PKHD1: variants seen among roughly 807,000 people sequenced by gnomAD.
PKHD1 encodes PKHD1 ciliary IPT domain containing fibrocystin/polyductin.
Under a neutral mutation model 412.0 loss-of-function variants are expected in PKHD1, and 291 were observed. The ratio of observed to expected loss-of-function variants is 0.71; its 90% CI spans 0.64 to 0.78. The LOEUF (loss-of-function observed/expected upper bound fraction) is 0.78. Ranked by LOEUF, PKHD1 falls within the 30% of genes least tolerant of loss-of-function variation. The pLI, the probability that PKHD1 is intolerant of heterozygous loss-of-function variation, is 0.00. For missense variants in PKHD1, 4,825 were observed against 4,950.7 expected (o/e 0.97, Z 0.76); for synonymous variants, 1,777 against 1,821.5 (o/e 0.98, Z 0.62).
chr6:51,772,586 C>T (rs1040342130), intron 55 of PKHD1, 116 bp downstream of exon 55: 14 of 570,766 alleles, frequency 2.5e-5, no homozygotes, highest in Admixed American at 9.2e-5. Flanking sequence ...TCTACTTGCT[C>T]ATCCTTTAAT....
chr6:51,973,594 A>C (rs1266901), intron 35 of PKHD1, among the ~76,000 whole-genome samples: 1,876 of 152,268 alleles, frequency 0.012, 42 homozygotes, highest in African/African-American at 0.042. Flanking sequence ...CTTCAAGTGC[A>C]ATAGTTAACT....
chr6:51,915,289 G>C (rs1783603044), intron 37 of PKHD1, among the ~76,000 whole-genome samples: 1 of 152,080 alleles, frequency 6.6e-6, no homozygotes, highest in South Asian at 2.1e-4. Context: ...AATCCTGAGA[G>C]AAGGCTCCAA....
intron 18 of PKHD1, among the ~76,000 whole-genome samples, chr6:52,056,419 C>T (rs1016295673): frequency 6.6e-6 from 1 of 152,130 alleles, no homozygotes; most frequent in East Asian, 1.9e-4. Flanking sequence ...ATGTCTTTGA[C>T]CTTTTCCCAC....
intron 37 of PKHD1, among the ~76,000 whole-genome samples, chr6:51,919,872 T>G (rs1784423570): frequency 6.6e-6 from 1 of 152,214 alleles, no homozygotes; most frequent in Non-Finnish European, 1.5e-5. Flanking sequence ...GATTCCTAGG[T>G]ATTTTATTCT....
At position 51,887,236 on chromosome 6, in the gene PKHD1, C is replaced by G. The variant is rs1324216428; in HGVS notation, c.7006G>C (p.Val2336Leu). ...SPTNVIEGNR[V>L]CGAGYGYFFH... Reference sequence around the variant, plus strand: ...AAGTAGCCATAGCCAGCACCACACACTCTGTTCCCCTACAGAAATTAAGAA... The same window carrying G: ...AAGTAGCCATAGCCAGCACCACACAGTCTGTTCCCCTACAGAAATTAAGAA... Residue 2336 changes from valine to leucine, a missense_variant, in exon 44 of 67, where the codon GTG becomes CTG. Coordinates refer to ENST00000371117, the MANE Select transcript of PKHD1 (RefSeq NM_138694.4). 1 of 1,600,292 alleles carries G rather than the reference C, an allele frequency of 6.2e-7. No homozygotes were observed. The highest frequency in any genetic ancestry group is 8.6e-7 in the Non-Finnish European group (1 of 1,167,544).
intron 46 of PKHD1, among the ~76,000 whole-genome samples, chr6:51,882,259 A>G (rs764591868): frequency 2.0e-5 from 3 of 152,210 alleles, no homozygotes; most frequent in Non-Finnish European, 2.9e-5. Flanking sequence ...AGAGGGAAAA[A>G]AAAACTGGCA....
intron 52 of PKHD1, among the ~76,000 whole-genome samples, chr6:51,798,179 G>C (rs1794885405): frequency 6.6e-6 from 1 of 152,158 alleles, no homozygotes; most frequent in East Asian, 1.9e-4. Flanking sequence ...AGAAGTTCAA[G>C]ACCAGCCTGG....
chr6:52,030,832 T>C (rs897306020), intron 29 of PKHD1, among the ~76,000 whole-genome samples: 5 of 152,194 alleles, frequency 3.3e-5, no homozygotes, highest in African/African-American at 1.2e-4. Flanking sequence ...GACTGATGGG[T>C]GCAGTTTCAT....
chr6:52,073,474 C>T lies in PKHD1; in HGVS notation c.516G>A (p.Glu172=). 6.3e-7 allele frequency: 1 copy of T among 1,597,334 alleles called. No homozygotes were observed. Among genetic ancestry groups the T allele is most frequent in the Non-Finnish European group, 8.6e-7 (1 of 1,164,802 alleles). ...GRLETFDFDA[E]YIDSPVILEA... The stretch of plus-strand genomic sequence containing the variant: ...AAACACACACTTACCTATCAATGTA[C>T]TCAGCATCAAAATCAAAAGTTTCCA... The change falls in exon 7 of 67, where the codon GAG becomes GAA. Residue 172 remains glutamate, a synonymous_variant. Transcript: ENST00000371117.
chr6:52,046,158 A>G lies in PKHD1; in HGVS notation c.2438T>C (p.Leu813Pro). 1.2e-6 allele frequency: 2 copies of G among 1,613,706 alleles called. No individual in the cohort carries two copies. The highest frequency in any genetic ancestry group is 1.3e-5 in the African/African-American group (1 of 75,040). The change falls in exon 24 of 67, where the codon CTT (leucine) becomes CCT (proline). Residue 813 changes from leucine (L) to proline (P), a missense_variant. By Grantham distance (98) the Leu-to-Pro change is moderately conservative. Transcript: ENST00000371117. ...DVPVQISAHH[L>P]HQLLQNNADD... ...GGCATTATTCTGTAAGAGCTGGTGA[A>G]GGTGATGAGCAGAAATTTGTACAGG...
intron 60 of PKHD1, among the ~76,000 whole-genome samples, chr6:51,686,734 GC>G (rs985553482): frequency 2.0e-5 from 3 of 152,068 alleles, no homozygotes; most frequent in African/African-American, 7.2e-5. Flanking sequence ...AAAGCACCAG[GC>G]ACATAGTAGA....
intron 5 of PKHD1, among the ~76,000 whole-genome samples, 192 bp downstream of exon 5, chr6:52,079,708 C>G (rs1263932778): frequency 1.3e-5 from 2 of 152,146 alleles, no homozygotes; most frequent in Non-Finnish European, 2.9e-5. Context: ...AAGCATTTAG[C>G]TAAAGGCTGA....
At chr6:51,750,173 G>T (rs535156405) in intron 57 of PKHD1, among the ~76,000 whole-genome samples, 1 of 152,194 alleles carries the variant, frequency 6.6e-6, no homozygotes, top group East Asian at 1.9e-4. Flanking sequence ...TCTACTTGGG[G>T]CCAGGCAACA....
At chr6:51,865,291 C>A (rs534982576) in intron 48 of PKHD1, among the ~76,000 whole-genome samples, 1 of 152,226 alleles carries the variant, frequency 6.6e-6, no homozygotes, top group East Asian at 1.9e-4. Context: ...TGTAGAGTGG[C>A]AGTTTTTTCT....
intron 63 of PKHD1, among the ~76,000 whole-genome samples, chr6:51,641,589 C>T (rs1769356425): frequency 6.6e-6 from 1 of 152,146 alleles, no homozygotes; most frequent in Non-Finnish European, 1.5e-5. Context: ...AAGACACATG[C>T]ACATGTATGT....
intron 55 of PKHD1, among the ~76,000 whole-genome samples, chr6:51,761,733 A>T (rs1788049285): frequency 1.3e-5 from 2 of 152,092 alleles, no homozygotes; most frequent in African/African-American, 2.4e-5. Flanking sequence ...TCAATTAAAA[A>T]ATAAAACGAA....
At chr6:52,034,547 G>A (rs190129733) in intron 28 of PKHD1, among the ~76,000 whole-genome samples, 139 of 152,210 alleles carry the variant, frequency 9.1e-4, no homozygotes, top group Non-Finnish European at 1.5e-3. Flanking sequence ...TGGCCAAAGT[G>A]TCAAAAATCA....
intron 63 of PKHD1, among the ~76,000 whole-genome samples, chr6:51,642,004 C>A (rs1173057291): frequency 6.6e-6 from 1 of 151,988 alleles, no homozygotes; most frequent in Non-Finnish European, 1.5e-5. Flanking sequence ...TGTAACAAAC[C>A]TGCATGTTCT....
chr6:51,710,090 A>G (rs940194976), intron 60 of PKHD1, among the ~76,000 whole-genome samples: 1 of 152,042 alleles, frequency 6.6e-6, no homozygotes, highest in African/African-American at 2.4e-5. Flanking sequence ...GCTGCCTGTA[A>G]TCCCAGCTAC....
Sources: allele counts gnomAD v4.1 joint callset (sites outside exome capture counted in the v4.1 genomes callset), GRCh38; gene constraint gnomAD v4.1.1; transcripts MANE v1.5; gene names NCBI Gene and HGNC (gene_info 2026-07-23, HGNC 2026-07-21).